Variants in CYFIP2 observed in about 807,000 individuals in gnomAD.
The protein encoded by CYFIP2 is cytoplasmic FMR1-interacting protein 2.
Under a neutral mutation model 158.7 loss-of-function variants are expected in CYFIP2, and 29 were observed. The observed-to-expected ratio is 0.18, with a 90% CI of 0.14 to 0.25. The LOEUF is 0.25. CYFIP2 is among the 10% of genes least tolerant of loss of function. CYFIP2 has a pLI of 1.00. For synonymous variants in CYFIP2, 585 were observed against 617.6 expected (o/e 0.95, Z 0.78); for missense variants, 852 against 1,639.5 (o/e 0.52, Z 8.29).
chr5:157,287,375 C>T (rs1265448129), intron 3 of CYFIP2, among the ~76,000 whole-genome samples: 1 of 152,198 alleles, frequency 6.6e-6, no homozygotes, highest in Non-Finnish European at 1.5e-5. Context: ...TTCTTGAGCT[C>T]CTATAGCTTT....
At chr5:157,317,512 A>G (rs1044184825) in intron 13 of CYFIP2, among the ~76,000 whole-genome samples, 1 of 152,138 alleles carries the variant, frequency 6.6e-6, no homozygotes, top group African/African-American at 2.4e-5. Flanking sequence ...ACTTTGGGAA[A>G]TGAGGATATA....
At chr5:157,277,591 T>C (rs1327022744) in intron 1 of CYFIP2, among the ~76,000 whole-genome samples, 1 of 152,222 alleles carries the variant, frequency 6.6e-6, no homozygotes, top group African/African-American at 2.4e-5. Flanking sequence ...AAGAAAATGG[T>C]CCCTGACCTT....
At chr5:157,281,642 T>A (rs923413648) in intron 1 of CYFIP2, among the ~76,000 whole-genome samples, 5 of 152,248 alleles carry the variant, frequency 3.3e-5, no homozygotes, top group African/African-American at 1.2e-4. Context: ...ACTCCAATAG[T>A]ACAACATATA....
chr5:157,363,652 G>C (rs1764058581), intron 26 of CYFIP2: 1 of 152,748 alleles, frequency 6.5e-6, no homozygotes, highest in African/African-American at 2.4e-5. Context: ...GGGGCTTCGT[G>C]GGCCACCACA....
intron 26 of CYFIP2, among the ~76,000 whole-genome samples, chr5:157,371,236 G>C (rs1283043069): frequency 6.6e-6 from 1 of 152,186 alleles, no homozygotes; most frequent in Non-Finnish European, 1.5e-5. Context: ...GGAATGTTTA[G>C]AACACTAAGC....
intron 16 of CYFIP2, chr5:157,324,709 C>T (rs1760874938): frequency 6.6e-6 from 1 of 151,868 alleles, no homozygotes; most frequent in Non-Finnish European, 1.5e-5. Context: ...AAAGTGGGCA[C>T]TCGGGGGCCT....
At chr5:157,380,652 T>A (rs1271628727) in intron 26 of CYFIP2, among the ~76,000 whole-genome samples, 3 of 152,052 alleles carry the variant, frequency 2.0e-5, no homozygotes, top group African/African-American at 7.2e-5. Context: ...AGAGCAAAAA[T>A]CCTCAACAAA....
In CYFIP2 at chr5:157,384,138, A is replaced by G. The variant is rs1185561901; in HGVS notation, c.3207+779A>G. The G allele has an allele frequency of 1.3e-5, 5 of 375,034 alleles. No individual in the cohort carries two copies. The East Asian group carries it at 2.9e-4, about 22-fold the overall frequency. The allele number at this position is 375,034 out of a possible 1,614,324, so 23.2% of individuals were successfully genotyped here. A position where few individuals can be genotyped will look rare whatever the true frequency, so the allele number is the denominator to read the frequency against. ...TGTTCTAACAAGGGTGAATGAGCTTATATGTTATTCTGTAATTGTTAAAAA... is the reference window on the plus strand; with the variant it reads ...TGTTCTAACAAGGGTGAATGAGCTTGTATGTTATTCTGTAATTGTTAAAAA... On this transcript the variant is annotated intron_variant, in intron 28 of 30. Coordinates refer to ENST00000620254, the MANE Select transcript of CYFIP2 (RefSeq NM_001037333.3).
chr5:157,288,091 T>C (rs1757532142), intron 3 of CYFIP2, among the ~76,000 whole-genome samples: 1 of 152,078 alleles, frequency 6.6e-6, no homozygotes, highest in African/African-American at 2.4e-5. Context: ...AGACCCTATC[T>C]CAAAAAAATA....
chr5:157,318,398 A>G lies in CYFIP2; in HGVS notation c.1357-1364A>G, dbSNP rs562273164. ...CATTATTTACTCCTTCCTTTTTCCT[A>G]ATGTCTCCTAGTTATATCTGTAGCC... On this transcript the variant is annotated intron_variant, in intron 13 of 30. Coordinates refer to ENST00000620254, the MANE Select transcript of CYFIP2 (RefSeq NM_001037333.3). 4.6e-5 allele frequency among the ~76,000 whole-genome samples: 7 copies of G among 152,140 alleles called. No individual in the cohort carries two copies. In the South Asian group the frequency reaches 1.5e-3, roughly 32 times the overall value.
chr5:157,332,608 C>T (rs1343047941), intron 20 of CYFIP2, among the ~76,000 whole-genome samples: 2 of 152,168 alleles, frequency 1.3e-5, no homozygotes, highest in African/African-American at 2.4e-5. Flanking sequence ...AGTTTCTTAT[C>T]GGTGCATGCA....
At chr5:157,325,766 A>G in intron 17 of CYFIP2, 128 bp downstream of exon 17, 1 of 1,004,040 alleles carries the variant, frequency 1.0e-6, no homozygotes, top group Non-Finnish European at 1.4e-6. Flanking sequence ...GTCCCACCAC[A>G]GGGAGAGCTC....
At chr5:157,392,808 C>T (rs755044349) in intron 30 of CYFIP2, 25 bp from the exon 31 acceptor site, 5 of 1,612,072 alleles carry the variant, frequency 3.1e-6, no homozygotes, top group Non-Finnish European at 3.4e-6. Context: ...CCTGCCCTAA[C>T]TTGAACATCC....
At chr5:157,352,184 T>C (rs988329540) in intron 23 of CYFIP2, among the ~76,000 whole-genome samples, 3 of 152,222 alleles carry the variant, frequency 2.0e-5, no homozygotes, top group Non-Finnish European at 4.4e-5. Flanking sequence ...TTCCTGGTAA[T>C]TTTTTGGCCC....
intron 13 of CYFIP2, among the ~76,000 whole-genome samples, chr5:157,317,475 G>T (rs1191063507): frequency 1.3e-5 from 2 of 152,056 alleles, no homozygotes; most frequent in Non-Finnish European, 2.9e-5. Context: ...TGGTTTTTCA[G>T]TTTATGACAT....
chr5:157,332,033 G>T (rs1429202437), intron 20 of CYFIP2, among the ~76,000 whole-genome samples: 4 of 152,076 alleles, frequency 2.6e-5, no homozygotes, highest in South Asian at 4.1e-4. Flanking sequence ...CCTCATGAAG[G>T]CACAATGTGG....
intron 20 of CYFIP2, 69 bp downstream of exon 20, chr5:157,330,919 G>A (rs765780329): frequency 2.4e-5 from 30 of 1,273,894 alleles, no homozygotes; most frequent in Non-Finnish European, 3.2e-5. Flanking sequence ...TTAGCATAGA[G>A]ATCAGAAATC....
At chr5:157,385,412 GAGA>G (rs1232843738) in intron 28 of CYFIP2, among the ~76,000 whole-genome samples, 1 of 152,240 alleles carries the variant, frequency 6.6e-6, no homozygotes, top group Non-Finnish European at 1.5e-5. Flanking sequence ...ATTAACTTCT[GAGA>G]AGGTTTGGGC....
Position 157,358,476 on chromosome 5 carries a change from G to A in CYFIP2, c.2674-529G>A, listed in dbSNP as rs564387516. On this transcript the variant is annotated intron_variant, in intron 23 of 30. Coordinates refer to ENST00000620254, the MANE Select transcript of CYFIP2 (RefSeq NM_001037333.3). ...AAACTAAGGCTCGAAAACTGTAGGT[G>A]GTTGTCCCATGCACTCAGCAGAGAT... is the stretch of plus-strand genomic sequence containing the variant. 3.3e-5 allele frequency among the ~76,000 whole-genome samples: 5 copies of A among 152,312 alleles called. No individual in the cohort carries two copies. The South Asian group carries it at 1.0e-3, about 32-fold the overall frequency.
Sources: gnomAD v4.1 joint callset for allele counts (sites outside exome capture counted in the v4.1 genomes callset) on GRCh38, gnomAD v4.1.1 for gene constraint, MANE v1.5 for transcripts, NCBI Gene and HGNC (gene_info 2026-07-23, HGNC 2026-07-21) for gene names.